Variants in PCSK5 observed in about 807,000 individuals in gnomAD.
PCSK5 encodes prohormone convertase 5.
PCSK5 carries 129 observed loss-of-function variants against 233.2 expected under a neutral mutation model. That is an observed-to-expected ratio of 0.55 (90% CI 0.48 to 0.64). PCSK5 has a LOEUF of 0.64. Among genes scored for constraint, PCSK5 ranks in the 30% least tolerant of loss-of-function variants. The probability of loss-of-function intolerance (pLI) is 0.00; values close to 1 mark genes in which losing one functional copy is unlikely to be tolerated. For missense variants in PCSK5, 2,076 were observed against 2,430.1 expected, an observed-to-expected ratio of 0.85 and a Z score of 3.06; for synonymous variants, 825 against 879.2, an observed-to-expected ratio of 0.94 and a Z score of 1.09.
chr9:76,152,652 T>G (rs1195389744), intron 10 of PCSK5, among the ~76,000 whole-genome samples: 3 of 152,166 alleles, frequency 2.0e-5, no homozygotes, highest in Non-Finnish European at 4.4e-5. Context: ...CAGTGTAATT[T>G]TTAAAAAATG....
intron 2 of PCSK5, among the ~76,000 whole-genome samples, chr9:75,935,972 G>C (rs1824037868): frequency 6.6e-6 from 1 of 152,152 alleles, no homozygotes; most frequent in Non-Finnish European, 1.5e-5. Flanking sequence ...GTGCAGTTTG[G>C]TTCTGGACCT....
intron 10 of PCSK5, among the ~76,000 whole-genome samples, chr9:76,150,461 C>G (rs1173230431): frequency 6.6e-6 from 1 of 152,100 alleles, no homozygotes; most frequent in East Asian, 1.9e-4. Flanking sequence ...TGGTGAAACC[C>G]CATCTCTACT....
intron 33 of PCSK5, among the ~76,000 whole-genome samples, chr9:76,328,904 G>T (rs994778506): frequency 4.0e-5 from 6 of 151,504 alleles, no homozygotes; most frequent in Admixed American, 1.3e-4. Context: ...TGACTCCTGG[G>T]TTCAAGCAAT....
intron 1 of PCSK5, among the ~76,000 whole-genome samples, chr9:75,923,023 G>A (rs919197620): frequency 2.6e-5 from 4 of 152,186 alleles, no homozygotes; most frequent in Non-Finnish European, 5.9e-5. Context: ...GGGCGAGGAG[G>A]TGAGACAGGG....
chr9:76,190,040 A>G (rs1324488215), intron 20 of PCSK5, among the ~76,000 whole-genome samples: 1 of 152,182 alleles, frequency 6.6e-6, no homozygotes, highest in Non-Finnish European at 1.5e-5. Flanking sequence ...AATTGAGCAG[A>G]AAGTTCAGAA....
rs187496987 is a variant in PCSK5, at chr9:76,288,401, C to T, written c.3143-3832C>T. 3.9e-4 allele frequency among the ~76,000 whole-genome samples: 60 copies of T among 152,260 alleles called. No individual in the cohort carries two copies. The East Asian group carries it at 0.011, about 28-fold the overall frequency. On this transcript the variant is annotated intron_variant, in intron 24 of 37. Transcript: ENST00000674117. ...AGGGAGACCCCATCTTAAATTCATG[C>T]TTTTCTGCTAGAATACTGAGATACA...
At chr9:76,282,347 TC>T (rs1827905385) in intron 24 of PCSK5, among the ~76,000 whole-genome samples, 5 of 122,870 alleles carry the variant, frequency 4.1e-5, no homozygotes, top group East Asian at 3.1e-4. Context: ...TTCCTTTTCT[TC>T]TGTCTTTTTT....
chr9:76,350,983 C>G, intron 36 of PCSK5, 55 bp downstream of exon 36: 1 of 853,670 alleles, frequency 1.2e-6, no homozygotes, highest in South Asian at 1.5e-5. Flanking sequence ...GAAACATGAG[C>G]TTACTTCCTG....
chr9:76,084,184 T>A (rs1020611672), intron 7 of PCSK5, among the ~76,000 whole-genome samples: 1 of 152,218 alleles, frequency 6.6e-6, no homozygotes, highest in Non-Finnish European at 1.5e-5. Flanking sequence ...TATAATATCA[T>A]CCATTTTGGA....
intron 24 of PCSK5, among the ~76,000 whole-genome samples, chr9:76,263,796 A>G (rs1039719497): frequency 2.6e-5 from 4 of 152,016 alleles, no homozygotes; most frequent in Admixed American, 2.6e-4. Flanking sequence ...AAAGAAAAAA[A>G]AAAGAAATCA....
chr9:76,179,472 C>G (rs553402520), intron 14 of PCSK5, 124 bp from the exon 15 acceptor site: 58 of 618,088 alleles, frequency 9.4e-5, no homozygotes, highest in Non-Finnish European at 1.3e-4. Flanking sequence ...ACAATTATTC[C>G]TCTGTCTTAA....
At chr9:76,242,540 A>G (rs905549683) in intron 24 of PCSK5, among the ~76,000 whole-genome samples, 2 of 152,224 alleles carry the variant, frequency 1.3e-5, no homozygotes, top group Non-Finnish European at 2.9e-5. Context: ...TGGGAAGCAA[A>G]AAATAAACCT....
chr9:76,332,125 T>C (rs1829554032), intron 33 of PCSK5, among the ~76,000 whole-genome samples: 1 of 152,110 alleles, frequency 6.6e-6, no homozygotes, highest in African/African-American at 2.4e-5. Context: ...CACTGAGAAA[T>C]TTGGGTGGGA....
intron 9 of PCSK5, among the ~76,000 whole-genome samples, chr9:76,128,051 G>C (rs1275782755): frequency 6.6e-6 from 1 of 152,324 alleles, no homozygotes; most frequent in South Asian, 2.1e-4. Flanking sequence ...ATAGAAATGA[G>C]GGGGGTAACC....
rs769963588 is a variant in PCSK5 at position 76,354,087 on chromosome 9, C to G, written c.5122C>G (p.Pro1708Ala). Residue 1708 changes from proline to alanine, a missense_variant, in exon 37 of 38, where the codon CCA becomes GCA. By Grantham distance (27) the Pro-to-Ala change is conservative. Transcript: ENST00000674117. ...CGAGAGCTGCATGGAATGCAAGGGA[C>G]CAGGGGCCAAGAACTGCACCTTGTG... ...CHESCMECKG[P>A]GAKNCTLCPA... The G allele has an allele frequency of 1.4e-5, 23 of 1,609,162 alleles. No homozygotes were observed. In the East Asian group the frequency reaches 5.1e-4, roughly 36 times the overall value.
intron 20 of PCSK5, among the ~76,000 whole-genome samples, chr9:76,205,700 T>C (rs1825089722): frequency 6.6e-6 from 1 of 152,198 alleles, no homozygotes; most frequent in African/African-American, 2.4e-5. Flanking sequence ...CCTCCTTTTG[T>C]TGTCTCAGGC....
chr9:76,037,958 C>G (rs1051103111), intron 5 of PCSK5, among the ~76,000 whole-genome samples: 11 of 152,266 alleles, frequency 7.2e-5, no homozygotes, highest in African/African-American at 2.6e-4. Flanking sequence ...TTACCACTTC[C>G]TATTTTTAGA....
intron 20 of PCSK5, among the ~76,000 whole-genome samples, chr9:76,215,463 G>A (rs1445236207): frequency 6.6e-6 from 1 of 152,146 alleles, no homozygotes; most frequent in Non-Finnish European, 1.5e-5. Context: ...GGCTTTGAAG[G>A]CCCAGGACCC....
At position 76,233,932 on chromosome 9, in the gene PCSK5, C is replaced by G. The variant is rs73652904; in HGVS notation, c.2866+336C>G. On this transcript the variant is annotated intron_variant, in intron 22 of 37. Coordinates refer to ENST00000674117, the MANE Select transcript of PCSK5 (RefSeq NM_001372043.1). ...GATTTGTGGAGGTAAAAGTGAAGAC[C>G]TGGGGAATTAAGAAAGACACGTTCT... Among the ~76,000 whole-genome samples the G allele has an allele frequency of 1.1e-3, 168 of 152,082 alleles. 1 individual carries two copies. The highest frequency in any genetic ancestry group is 3.1e-3 in the African/African-American group (128 of 41,488).
Sources: allele counts gnomAD v4.1 joint callset (sites outside exome capture counted in the v4.1 genomes callset), GRCh38; gene constraint gnomAD v4.1.1; transcripts MANE v1.5; gene names NCBI Gene and HGNC (gene_info 2026-07-23, HGNC 2026-07-21).